The following RBFOX1 variants were observed in gnomAD, a reference collection of about 807,000 sequenced individuals.
RBFOX1 encodes the protein RNA binding protein fox-1 homolog 1.
RBFOX1 carries 8 observed loss-of-function variants against 57.7 expected under a neutral mutation model. That is an observed-to-expected ratio of 0.14 (90% CI 0.08 to 0.25). RBFOX1 has a LOEUF of 0.25. Among genes scored for constraint, RBFOX1 ranks in the 10% least tolerant of loss-of-function variants. The pLI is 1.00. For missense variants in RBFOX1, 611 were observed against 548.5 expected, an observed-to-expected ratio of 1.11 and a Z score of -1.14; for synonymous variants, 326 against 222.4, an observed-to-expected ratio of 1.47 and a Z score of -4.15.
rs1050997453 is a variant in RBFOX1 at position 5,391,235 on chromosome 16, A to G, written c.220-75981A>G. Among the ~76,000 whole-genome samples, 4 of 152,330 alleles carry G rather than the reference A, an allele frequency of 2.6e-5. No individual in the cohort carries two copies. In the East Asian group the frequency reaches 5.8e-4, roughly 22 times the overall value. On this transcript the variant is annotated intron_variant, in intron 1 of 2. Coordinates refer to the RBFOX1 transcript ENST00000585867. The stretch of plus-strand genomic sequence containing the variant: ...AAAACTTAACGGTTTAAAACAATTC[A>G]CATTTATTCTCTTATAGTACTGGAG...
chr16:7,706,144 A>C (rs563223686), intron 14 of RBFOX1, among the ~76,000 whole-genome samples: 2 of 152,284 alleles, frequency 1.3e-5, no homozygotes, highest in African/African-American at 2.4e-5. Context: ...CATCTTCCCC[A>C]ATAACCTTGT....
chr16:5,851,956 G>A, intron 3 of RBFOX1, among the ~76,000 whole-genome samples: 1 of 152,112 alleles, frequency 6.6e-6, no homozygotes, highest in Non-Finnish European at 1.5e-5. Flanking sequence ...AAAAGCTCCA[G>A]CCCACCACTT....
intron 4 of RBFOX1, among the ~76,000 whole-genome samples, chr16:7,103,561 G>C (rs1351664560): frequency 6.6e-6 from 1 of 152,026 alleles, no homozygotes; most frequent in Non-Finnish European, 1.5e-5. Flanking sequence ...TGTATAGATA[G>C]ATTGATAATC....
chr16:7,281,657 G>A (rs568718009), intron 4 of RBFOX1, among the ~76,000 whole-genome samples: 23 of 152,238 alleles, frequency 1.5e-4, no homozygotes, highest in African/African-American at 5.3e-4. Context: ...TGAGAAGACA[G>A]TGTCCAGCCA....
chr16:7,425,312 G>A (rs1191245845), intron 4 of RBFOX1, among the ~76,000 whole-genome samples: 2 of 152,128 alleles, frequency 1.3e-5, no homozygotes, highest in Non-Finnish European at 1.5e-5. Context: ...AACCCGCAAG[G>A]GGTCTATTTG....
At chr16:6,106,269 C>T (rs146450866) in intron 1 of RBFOX1, among the ~76,000 whole-genome samples, 1 of 149,812 alleles carries the variant, frequency 6.7e-6, no homozygotes, top group East Asian at 2.0e-4. Flanking sequence ...ACTACCCTGG[C>T]CAACATGGCA....
At chr16:5,629,712 T>A (rs190787211) in intron 3 of RBFOX1, among the ~76,000 whole-genome samples, 1 of 152,284 alleles carries the variant, frequency 6.6e-6, no homozygotes, top group Non-Finnish European at 1.5e-5. Context: ...CAGCTTAAGG[T>A]TGTGTTTCTC....
chr16:5,686,297 C>T (rs138946609), intron 3 of RBFOX1, among the ~76,000 whole-genome samples: 313 of 152,154 alleles, frequency 2.1e-3, no homozygotes, highest in Non-Finnish European at 2.7e-3. Context: ...TAGTAATATC[C>T]GTGATGTTCT....
intron 1 of RBFOX1, among the ~76,000 whole-genome samples, chr16:6,152,420 C>T (rs1382108048): frequency 1.3e-5 from 2 of 152,218 alleles, no homozygotes; most frequent in Non-Finnish European, 2.9e-5. Context: ...CTCCCAGAGG[C>T]CTGTTTACTT....
intron 1 of RBFOX1, among the ~76,000 whole-genome samples, chr16:6,193,404 A>ATATACATTATATATATATAC (rs1567651414): frequency 1.1e-4 from 10 of 90,298 alleles, no homozygotes; most frequent in African/African-American, 3.8e-4. Context: ...ATATATATAT[A>ATATACATTATATATATATAC]TATATATATA....
intron 3 of RBFOX1, among the ~76,000 whole-genome samples, chr16:7,015,187 G>A (rs951249239): frequency 6.6e-6 from 1 of 152,162 alleles, no homozygotes; most frequent in East Asian, 1.9e-4. Context: ...TTGTTGTGGT[G>A]ACAGCAGCAG....
chr16:5,782,172 C>G (rs1348754875), intron 3 of RBFOX1, among the ~76,000 whole-genome samples: 2 of 152,256 alleles, frequency 1.3e-5, no homozygotes, highest in Non-Finnish European at 2.9e-5. Context: ...GATGGCACCA[C>G]TGTACACCAG....
At chr16:6,775,771 C>G (rs1273284795) in intron 3 of RBFOX1, 1 of 152,142 alleles carries the variant, frequency 6.6e-6, no homozygotes, top group East Asian at 1.9e-4. Flanking sequence ...GAGGAAGGAA[C>G]AAGCATGTGA....
chr16:7,476,717 T>G (rs2062797089), intron 4 of RBFOX1, among the ~76,000 whole-genome samples: 1 of 152,178 alleles, frequency 6.6e-6, no homozygotes, highest in East Asian at 1.9e-4. Context: ...AAGACCCCTC[T>G]GAAGCATTGC....
At chr16:5,639,265 G>C (rs917419991) in intron 3 of RBFOX1, among the ~76,000 whole-genome samples, 1 of 152,190 alleles carries the variant, frequency 6.6e-6, no homozygotes, top group African/African-American at 2.4e-5. Flanking sequence ...TTGCACAATT[G>C]TGCTGATTAA....
At chr16:6,455,458 C>T (rs965439790) in intron 2 of RBFOX1, among the ~76,000 whole-genome samples, 14 of 152,272 alleles carry the variant, frequency 9.2e-5, no homozygotes, top group African/African-American at 3.1e-4. Context: ...CCTTAGCCTC[C>T]CGTTGAGTGG....
At chr16:6,945,130 T>C (rs2079243675) in intron 3 of RBFOX1, among the ~76,000 whole-genome samples, 1 of 151,952 alleles carries the variant, frequency 6.6e-6, no homozygotes, top group African/African-American at 2.4e-5. Context: ...CACGCAGAGG[T>C]AGGGGCACAG....
intron 2 of RBFOX1, among the ~76,000 whole-genome samples, chr16:6,526,169 A>G (rs1044674907): frequency 3.9e-5 from 6 of 152,210 alleles, no homozygotes; most frequent in Admixed American, 1.3e-4. Context: ...TCACCAAACC[A>G]TTCTTTATTT....
At chr16:6,167,638 T>C (rs1440219172) in intron 1 of RBFOX1, among the ~76,000 whole-genome samples, 1 of 152,216 alleles carries the variant, frequency 6.6e-6, no homozygotes, top group Admixed American at 6.5e-5. Context: ...GCTCAAATAT[T>C]ATAACTTGCC....
Sources: gnomAD v4.1 joint callset for allele counts (sites outside exome capture counted in the v4.1 genomes callset) on GRCh38, gnomAD v4.1.1 for gene constraint, MANE v1.5 for transcripts, NCBI Gene and HGNC (gene_info 2026-07-23, HGNC 2026-07-21) for gene names.